RBMS3: variants seen among roughly 807,000 people sequenced by gnomAD.
The protein encoded by RBMS3 is RNA-binding motif, single-stranded-interacting protein 3.
RBMS3 carries 27 observed loss-of-function variants against 66.8 expected under a neutral mutation model. That is an observed-to-expected ratio of 0.40 (90% CI 0.30 to 0.56). The LOEUF (loss-of-function observed/expected upper bound fraction) is 0.56, where lower values mean the gene tolerates loss of function less well. RBMS3 is among the 20% of genes least tolerant of loss of function. The probability of loss-of-function intolerance (pLI) is 0.40; values close to 1 mark genes in which losing one functional copy is unlikely to be tolerated. For synonymous variants in RBMS3, 188 were observed against 183.0 expected, an observed-to-expected ratio of 1.03 and a Z score of -0.22; for missense variants, 513 against 549.5, an observed-to-expected ratio of 0.93 and a Z score of 0.66.
intron 3 of RBMS3, among the ~76,000 whole-genome samples, chr3:29,517,973 T>C (rs2044709996): frequency 6.6e-6 from 1 of 152,218 alleles, no homozygotes; most frequent in Non-Finnish European, 1.5e-5. Context: ...TCTTGTAGCT[T>C]TTGTAAAACT....
intron 3 of RBMS3, among the ~76,000 whole-genome samples, chr3:29,585,763 G>T (rs1161526055): frequency 6.6e-6 from 1 of 151,476 alleles, no homozygotes; most frequent in Non-Finnish European, 1.5e-5. Flanking sequence ...GTTTGATTTT[G>T]TAGGGAGAGA....
chr3:29,950,706 T>A (rs1325095984), intron 12 of RBMS3, among the ~76,000 whole-genome samples: 1 of 151,880 alleles, frequency 6.6e-6, no homozygotes, highest in East Asian at 1.9e-4. Flanking sequence ...ATTGAAATGT[T>A]TTCTCTCAGT....
chr3:29,654,175 T>C (rs2050240450), intron 4 of RBMS3, among the ~76,000 whole-genome samples: 2 of 152,136 alleles, frequency 1.3e-5, no homozygotes, highest in East Asian at 1.9e-4. Context: ...ATAGGGAAAA[T>C]TGGCAGAAAC....
chr3:29,675,340 C>T (rs2051198276), intron 4 of RBMS3, among the ~76,000 whole-genome samples: 1 of 152,088 alleles, frequency 6.6e-6, no homozygotes, highest in Admixed American at 6.5e-5. Context: ...AAAACCTAGG[C>T]AGTATCATTC....
chr3:29,312,044 G>C (rs1037289932), intron 1 of RBMS3, among the ~76,000 whole-genome samples: 2 of 151,778 alleles, frequency 1.3e-5, no homozygotes, highest in Non-Finnish European at 2.9e-5. Context: ...GTTTCCCATA[G>C]TCCATCTGCA....
At chr3:29,685,039 A>AT (rs1284041625) in intron 4 of RBMS3, among the ~76,000 whole-genome samples, 1 of 131,822 alleles carries the variant, frequency 7.6e-6, no homozygotes, top group African/African-American at 2.9e-5. Context: ...CCGGTAAACA[A>AT]TTTTTTTGTT....
At chr3:29,710,718 A>G (rs2053127399) in intron 4 of RBMS3, among the ~76,000 whole-genome samples, 1 of 152,214 alleles carries the variant, frequency 6.6e-6, no homozygotes, top group Admixed American at 6.5e-5. Flanking sequence ...GCCATGCATT[A>G]CACCACGTGT....
intron 5 of RBMS3, among the ~76,000 whole-genome samples, chr3:29,759,635 A>G (rs1186004620): frequency 3.3e-5 from 5 of 152,200 alleles, no homozygotes; most frequent in South Asian, 2.1e-4. Flanking sequence ...CTGGCATTTC[A>G]GAGAGGTTAA....
chr3:29,490,175 A>AT (rs1281210688), intron 3 of RBMS3, among the ~76,000 whole-genome samples: 1 of 106,016 alleles, frequency 9.4e-6, no homozygotes. Flanking sequence ...TTAATTTAAA[A>AT]TTAAAATTTA....
chr3:29,649,027 G>T (rs542671303), intron 4 of RBMS3, among the ~76,000 whole-genome samples: 172 of 152,222 alleles, frequency 1.1e-3, no homozygotes, highest in Non-Finnish European at 1.8e-3. Flanking sequence ...TGGTAACTTT[G>T]TCCTCATTCC....
intron 2 of RBMS3, among the ~76,000 whole-genome samples, chr3:29,480,493 T>C (rs78802552): frequency 0.017 from 2,523 of 152,126 alleles, 65 homozygotes; most frequent in African/African-American, 0.057. Context: ...CAGATGAAGG[T>C]AATGCATGGA....
intron 1 of RBMS3, among the ~76,000 whole-genome samples, chr3:29,356,158 A>G (rs1409314455): frequency 6.6e-6 from 1 of 152,190 alleles, no homozygotes; most frequent in Non-Finnish European, 1.5e-5. Flanking sequence ...GTGCAAGTTG[A>G]ATTCACAGGT....
intron 14 of RBMS3, among the ~76,000 whole-genome samples, chr3:29,992,437 C>T (rs913233553): frequency 6.6e-6 from 1 of 151,770 alleles, no homozygotes; most frequent in Non-Finnish European, 1.5e-5. Context: ...ATACAAAAAA[C>T]TTAGCTGGGC....
intron 3 of RBMS3, among the ~76,000 whole-genome samples, chr3:29,569,736 A>G (rs1057174405): frequency 3.0e-4 from 45 of 152,162 alleles, no homozygotes; most frequent in Admixed American, 2.9e-3. Context: ...GAAACAAAAA[A>G]CTTAGGAAAA....
At chr3:29,541,312 C>A (rs995177707) in intron 3 of RBMS3, among the ~76,000 whole-genome samples, 5 of 152,272 alleles carry the variant, frequency 3.3e-5, no homozygotes, top group African/African-American at 1.2e-4. Flanking sequence ...CAAAACCCAT[C>A]TCACAGTTTT....
intron 1 of RBMS3, among the ~76,000 whole-genome samples, chr3:29,389,245 T>C (rs910428776): frequency 6.6e-6 from 1 of 152,190 alleles, no homozygotes; most frequent in Non-Finnish European, 1.5e-5. Flanking sequence ...TTGGCTTTTT[T>C]ATTTTCTCTG....
chr3:29,369,837 TCA>T (rs1306064320), intron 1 of RBMS3, among the ~76,000 whole-genome samples: 4 of 152,160 alleles, frequency 2.6e-5, no homozygotes, highest in Non-Finnish European at 5.9e-5. Context: ...GCCATTTTTA[TCA>T]CACTCTCCAA....
At chr3:29,506,836 C>A (rs1170499868) in intron 3 of RBMS3, among the ~76,000 whole-genome samples, 1 of 151,624 alleles carries the variant, frequency 6.6e-6, no homozygotes, top group Non-Finnish European at 1.5e-5. Flanking sequence ...AGAATGTATC[C>A]ATTTTTTCTA....
chr3:29,942,529 AAGAG>A (rs1220078438), intron 11 of RBMS3, among the ~76,000 whole-genome samples: 1 of 151,572 alleles, frequency 6.6e-6, no homozygotes, highest in Non-Finnish European at 1.5e-5. Context: ...TCGAAAGAGA[AAGAG>A]AGAGAAAGAG....
Sources: gnomAD v4.1 joint callset for allele counts (sites outside exome capture counted in the v4.1 genomes callset) on GRCh38, gnomAD v4.1.1 for gene constraint, MANE v1.5 for transcripts, NCBI Gene and HGNC (gene_info 2026-07-23, HGNC 2026-07-21) for gene names.